CAMSAP1: variants seen among roughly 807,000 people sequenced by gnomAD.
The protein encoded by CAMSAP1 is calmodulin regulated spectrin associated protein 1.
A neutral mutation model predicts 143.5 loss-of-function variants in CAMSAP1; 58 were observed. The observed-to-expected ratio is 0.40, with a 90% CI of 0.33 to 0.50. The LOEUF is 0.50. Ranked by LOEUF, CAMSAP1 falls within the 20% of genes least tolerant of loss-of-function variation. The probability of loss-of-function intolerance (pLI) is 0.45; values close to 1 mark genes in which losing one functional copy is unlikely to be tolerated. For missense variants in CAMSAP1, 1,969 were observed against 2,115.7 expected (o/e 0.93, Z 1.36); for synonymous variants, 945 against 859.3 (o/e 1.10, Z -1.74).
intron 3 of CAMSAP1, among the ~76,000 whole-genome samples, chr9:135,874,480 G>T (rs1179129547): frequency 7.2e-6 from 1 of 139,572 alleles, no homozygotes; most frequent in Non-Finnish European, 1.5e-5. Flanking sequence ...CTCAAAAAAG[G>T]GGGGGGGGGG....
intron 7 of CAMSAP1, among the ~76,000 whole-genome samples, chr9:135,833,376 C>T (rs1045719039): frequency 5.3e-5 from 8 of 152,130 alleles, no homozygotes; most frequent in Admixed American, 5.2e-4. Context: ...CCACCGCGCC[C>T]GGCCAGTAAT....
intron 16 of CAMSAP1, among the ~76,000 whole-genome samples, chr9:135,812,396 G>A (rs1463387655): frequency 2.0e-5 from 3 of 152,174 alleles, no homozygotes; most frequent in Non-Finnish European, 4.4e-5. Context: ...CACGCTAAGT[G>A]AAAGAAGCCT....
intron 7 of CAMSAP1, among the ~76,000 whole-genome samples, chr9:135,834,367 G>A (rs893398731): frequency 2.0e-5 from 3 of 152,124 alleles, no homozygotes; most frequent in Non-Finnish European, 2.9e-5. Context: ...TGTTTACTGC[G>A]GCACATTTCA....
At chr9:135,893,647 A>G (rs1838358034) in intron 1 of CAMSAP1, among the ~76,000 whole-genome samples, 1 of 152,196 alleles carries the variant, frequency 6.6e-6, no homozygotes, top group African/African-American at 2.4e-5. Flanking sequence ...GTAAACATAT[A>G]ATGGATGAGA....
At chr9:135,836,158 G>A in intron 7 of CAMSAP1, 1 of 985,386 alleles carries the variant, frequency 1.0e-6, no homozygotes. Flanking sequence ...AAGCCCATGT[G>A]CATCTACAGA....
intron 3 of CAMSAP1, among the ~76,000 whole-genome samples, chr9:135,875,609 C>A (rs767015487): frequency 6.6e-6 from 1 of 152,134 alleles, no homozygotes; most frequent in Non-Finnish European, 1.5e-5. Flanking sequence ...TCGGTGGAAC[C>A]GAATAGAATC....
In CAMSAP1 at chr9:135,821,095, T is replaced by C. The variant is rs755312232; in HGVS notation, c.3566A>G (p.Asn1189Ser). The C allele has an allele frequency of 2.0e-5, 32 of 1,613,796 alleles. No homozygotes were observed. Among genetic ancestry groups the C allele is most frequent in the South Asian group, 8.8e-5 (8 of 91,088 alleles). Residue 1189 changes from asparagine to serine, a missense_variant, in exon 11 of 17, where the codon AAC becomes AGC. Coordinates refer to ENST00000389532, the MANE Select transcript of CAMSAP1 (RefSeq NM_015447.4). This position sits in a 1 kb window ranked among gnomAD's most constrained non-coding sequence, Gnocchi z 4.6. Reference sequence around the variant, plus strand: ...GAGGCTCATCTGCTCCGAAAGAATGTTGGCATCTTTGGAAGAGGACAGAGT... The same window carrying C: ...GAGGCTCATCTGCTCCGAAAGAATGCTGGCATCTTTGGAAGAGGACAGAGT... The part of the protein sequence containing the change: ...TLTLSSSKDA[N>S]ILSEQMSLKE...
At chr9:135,817,219 G>A (rs566954926) in intron 14 of CAMSAP1, among the ~76,000 whole-genome samples, 1 of 152,320 alleles carries the variant, frequency 6.6e-6, no homozygotes, top group African/African-American at 2.4e-5. Context: ...ACAGTTGTCA[G>A]GGACACTCTT....
intron 3 of CAMSAP1, among the ~76,000 whole-genome samples, chr9:135,877,220 T>C (rs1278776735): frequency 6.6e-6 from 1 of 151,874 alleles, no homozygotes; most frequent in Non-Finnish European, 1.5e-5. Context: ...CTTTGTTCAC[T>C]GAAAGAAGCC....
rs1357427374 is a variant in CAMSAP1 at position 135,820,391 on chromosome 9, C to T, written c.3822+448G>A. ...TCTAAGGAAAAAATTACAAGAAAAA[C>T]ATACAAAAAATGTTTTTTGAAGTTG... is the stretch of plus-strand genomic sequence containing the variant. On this transcript the variant is annotated intron_variant, in intron 11 of 16. Coordinates refer to ENST00000389532, the MANE Select transcript of CAMSAP1 (RefSeq NM_015447.4). The surrounding 1 kb of genome is among the most constrained non-coding windows in gnomAD (Gnocchi z 4.4). Among the ~76,000 whole-genome samples, 1 of 152,096 alleles carries T rather than the reference C, an allele frequency of 6.6e-6. No homozygotes were observed. Among genetic ancestry groups the T allele is most frequent in the East Asian group, 1.9e-4 (1 of 5,200 alleles).
chr9:135,887,427 G>C (rs1443188719), intron 1 of CAMSAP1, among the ~76,000 whole-genome samples: 4 of 152,158 alleles, frequency 2.6e-5, no homozygotes, highest in Admixed American at 2.0e-4. Flanking sequence ...TGAGAACAGC[G>C]GGAACTGTGC....
rs763172257 is a variant in CAMSAP1, at chr9:135,816,012, G to A, written c.4272-7C>T. The stretch of plus-strand genomic sequence containing the variant: ...GGCTTCCATCGATTCCACTCTGCAG[G>A]CAGAAACAGACAAGAGACAGGCAGG... On this transcript the variant is annotated splice_polypyrimidine_tract_variant and splice_region_variant and intron_variant, in intron 14 of 16. Transcript: ENST00000389532. 5 of 1,612,362 alleles carry A rather than the reference G, an allele frequency of 3.1e-6. No homozygotes were observed. The highest frequency in any genetic ancestry group is 4.5e-5 in the East Asian group (2 of 44,878).
intron 1 of CAMSAP1, among the ~76,000 whole-genome samples, chr9:135,892,324 A>C (rs1838313910): frequency 6.6e-6 from 1 of 152,222 alleles, no homozygotes; most frequent in Non-Finnish European, 1.5e-5. Context: ...ATAGCAACAA[A>C]AAAGACACGA....
rs1033775817 is a variant in CAMSAP1, at chr9:135,883,041, A to C, written c.198T>G (p.Val66=). ...IPEDLRDPFY[V]DQYEQEHIKP... ...TAATGTGCTCCTGCTCATACTGGTC[A>C]ACGTAGAAAGGGTCTCTGAGGTCCT... Residue 66 remains valine, a synonymous_variant, in exon 2 of 17, where the codon GTT becomes GTG. Transcript: ENST00000389532. 3.2e-6 allele frequency: 5 copies of C among 1,551,680 alleles called. No homozygotes were observed. The Admixed American group carries it at 9.8e-5, about 30-fold the overall frequency.
chr9:135,815,842 C>A (rs776989736), intron 15 of CAMSAP1, 48 bp downstream of exon 15: 1 of 1,461,944 alleles, frequency 6.8e-7, no homozygotes, highest in East Asian at 2.3e-5. Context: ...CACGCAAAGG[C>A]GTATGGCCAT....
Position 135,817,986 on chromosome 9 carries a change from G to A in CAMSAP1, c.4262C>T (p.Pro1421Leu). 1 of 1,613,870 alleles carries A rather than the reference G, an allele frequency of 6.2e-7. No homozygotes were observed. Among genetic ancestry groups the A allele is most frequent in the Non-Finnish European group, 8.5e-7 (1 of 1,179,870 alleles). The change falls in exon 14 of 17, where the codon CCC (proline) becomes CTC (leucine). Residue 1421 changes from proline to leucine, a missense_variant. This residue lies in a region of CAMSAP1 where 1,390 missense variants were observed against 1,420.8 expected (regional missense o/e 0.98). Coordinates refer to ENST00000389532, the MANE Select transcript of CAMSAP1 (RefSeq NM_015447.4). ...EPESVHSGGT[P>L]SQRVESMEAL... ...GTCTCAGGCCCCTTACCGCTGAGAG[G>A]GTGTGCCCCCGGAATGAACGCTCTC...
At chr9:135,886,391 G>A (rs1838123587) in intron 1 of CAMSAP1, among the ~76,000 whole-genome samples, 2 of 152,216 alleles carry the variant, frequency 1.3e-5, no homozygotes, top group Non-Finnish European at 2.9e-5. Context: ...GGGGCAGTGG[G>A]ATGTGCAGGT....
chr9:135,850,131 A>G lies in CAMSAP1; in HGVS notation c.1045+6T>C, dbSNP rs777469915. The stretch of plus-strand genomic sequence containing the variant: ...ATTGCCAACCTGGGGAATATCTGTC[A>G]CTCACCGTCTTTCAGCTCCTGAACA... On this transcript the variant is annotated splice_donor_region_variant and intron_variant, in intron 7 of 16. Coordinates refer to ENST00000389532, the MANE Select transcript of CAMSAP1 (RefSeq NM_015447.4). 1 of 1,601,460 alleles carries G rather than the reference A, an allele frequency of 6.2e-7. No homozygotes were observed. Among genetic ancestry groups the G allele is most frequent in the Non-Finnish European group, 8.5e-7 (1 of 1,174,228 alleles).
At position 135,824,156 on chromosome 9, in the gene CAMSAP1, G is replaced by A. The variant is rs1835589929; in HGVS notation, c.1316-122C>T. Reference sequence around the variant, plus strand: ...GTCAGTACACCAGAAGGGCCGCATGGAAAGCAGAGAGGCAAAACCATACAG... The same window carrying A: ...GTCAGTACACCAGAAGGGCCGCATGAAAAGCAGAGAGGCAAAACCATACAG... On this transcript the variant is annotated intron_variant, in intron 9 of 16. Transcript: ENST00000389532. This position sits in a 1 kb window ranked among gnomAD's most constrained non-coding sequence, Gnocchi z 4.1. The A allele has an allele frequency of 2.5e-6, 2 of 796,770 alleles. No homozygotes were observed. The highest frequency in any genetic ancestry group is 3.1e-5 in the South Asian group (2 of 65,082). 49.4% of individuals were successfully genotyped at this position (796,770 alleles called of 1,614,324 possible). A position where few individuals can be genotyped will look rare whatever the true frequency, so the allele number is the denominator to read the frequency against.
Sources: gnomAD v4.1 joint callset for allele counts (sites outside exome capture counted in the v4.1 genomes callset) on GRCh38, gnomAD v4.1.1 for gene constraint, gnomAD v4.1.1 regional missense constraint, Gnocchi (gnomAD v3.1) non-coding constraint, MANE v1.5 for transcripts, NCBI Gene and HGNC (gene_info 2026-07-23, HGNC 2026-07-21) for gene names.